Variants in TRAF3IP3 observed in about 807,000 individuals in gnomAD.
TRAF3IP3 encodes the protein TRAF3 interacting protein 3.
In TRAF3IP3, 64 loss-of-function variants were observed where a neutral mutation model predicts 86.5. That is an observed-to-expected ratio of 0.74 (90% CI 0.60 to 0.91). The LOEUF (loss-of-function observed/expected upper bound fraction) is 0.91. Ranked by LOEUF, TRAF3IP3 falls within the 40% of genes least tolerant of loss-of-function variation. TRAF3IP3 has a pLI of 0.00. For missense variants in TRAF3IP3, 579 were observed against 642.9 expected (o/e 0.90, Z 1.07); for synonymous variants, 220 against 243.9 (o/e 0.90, Z 0.91).
intron 8 of TRAF3IP3, among the ~76,000 whole-genome samples, chr1:209,764,463 C>T (rs981047340): frequency 1.8e-4 from 27 of 152,036 alleles, no homozygotes; most frequent in African/African-American, 5.8e-4. Flanking sequence ...AAGGCAAGGC[C>T]GGGGGTGGTG....
At chr1:209,767,667 C>A (rs1293994563) in intron 8 of TRAF3IP3, among the ~76,000 whole-genome samples, 2 of 151,060 alleles carry the variant, frequency 1.3e-5, no homozygotes, top group Non-Finnish European at 3.0e-5. Context: ...AGAGCAAGAC[C>A]CTGTCTTGAA....
intron 13 of TRAF3IP3, 160 bp from the exon 14 acceptor site, chr1:209,779,155 C>T (rs1401272413): frequency 6.5e-6 from 4 of 615,204 alleles, no homozygotes; most frequent in Non-Finnish European, 1.1e-5. Flanking sequence ...ATTTAAGGTA[C>T]TGAGGGTTAG....
intron 8 of TRAF3IP3, among the ~76,000 whole-genome samples, chr1:209,771,819 A>G (rs2077541809): frequency 7.8e-6 from 1 of 128,830 alleles, no homozygotes; most frequent in Non-Finnish European, 1.6e-5. Flanking sequence ...GTGCATGTGA[A>G]GGTGTGTGTG....
intron 8 of TRAF3IP3, among the ~76,000 whole-genome samples, chr1:209,766,696 T>A (rs755298932): frequency 2.6e-5 from 4 of 152,164 alleles, no homozygotes; most frequent in Non-Finnish European, 5.9e-5. Flanking sequence ...AAAACCCGTC[T>A]CTACTAAAGA....
At chr1:209,762,942 TC>T in intron 5 of TRAF3IP3, 72 bp downstream of exon 5, 2 of 1,607,278 alleles carry the variant, frequency 1.2e-6, no homozygotes, top group Admixed American at 3.3e-5. Flanking sequence ...AATTTCCATG[TC>T]CGCCTTAATT....
At chr1:209,761,275 G>C (rs2077239975) in intron 3 of TRAF3IP3, among the ~76,000 whole-genome samples, 1 of 152,190 alleles carries the variant, frequency 6.6e-6, no homozygotes, top group African/African-American at 2.4e-5. Flanking sequence ...TGCTGTCTAT[G>C]GGCCTTGTGA....
intron 8 of TRAF3IP3, chr1:209,768,206 T>C (rs2077393566): frequency 1.0e-6 from 1 of 985,432 alleles, no homozygotes; most frequent in South Asian, 4.7e-5. Flanking sequence ...CATTTGACCT[T>C]CATAAATTTG....
chr1:209,763,793 T>C (rs1238581645), intron 8 of TRAF3IP3, among the ~76,000 whole-genome samples: 1 of 152,196 alleles, frequency 6.6e-6, no homozygotes, highest in African/African-American at 2.4e-5. Flanking sequence ...CTGAGGGTCA[T>C]GGTGCTACAT....
intron 8 of TRAF3IP3, among the ~76,000 whole-genome samples, chr1:209,765,195 GA>G (rs1376336148): frequency 7.4e-6 from 1 of 135,684 alleles, no homozygotes; most frequent in Admixed American, 7.9e-5. Context: ...GAGAGAGAGA[GA>G]GAGAGAGAGA....
chr1:209,756,379 C>T (rs917286739), intron 1 of TRAF3IP3, 70 bp downstream of exon 1: 1 of 152,220 alleles, frequency 6.6e-6, no homozygotes, highest in Non-Finnish European at 1.5e-5. Flanking sequence ...GCAGAAGATG[C>T]TCTACCATCC....
intron 5 of TRAF3IP3, 50 bp downstream of exon 5, chr1:209,762,920 G>C (rs778159547): frequency 1.2e-6 from 2 of 1,611,344 alleles, no homozygotes; most frequent in East Asian, 2.2e-5. Context: ...CCTCTCTAGA[G>C]AGAACACAAT....
Position 209,756,218 on chromosome 1 carries a change from T to C in TRAF3IP3, c.-251T>C, listed in dbSNP as rs1351849481. The C allele has an allele frequency of 6.6e-6, 1 of 152,322 alleles. No homozygotes were observed. The highest frequency in any genetic ancestry group is 1.5e-5 in the Non-Finnish European group (1 of 68,088). 9.4% of individuals were successfully genotyped at this position (152,322 alleles called of 1,614,324 possible). ...ATTGAAAGCGTGTGCTTTACCCATC[T>C]GCTGTCTTGCTCCATCTGAGACCAG... On this transcript the variant is annotated 5_prime_UTR_variant, in exon 1 of 17. Coordinates refer to ENST00000367025, the MANE Select transcript of TRAF3IP3 (RefSeq NM_025228.4).
rs764720339 is a variant in TRAF3IP3 at position 209,781,356 on chromosome 1, G to A, written c.1461G>A (p.Leu487=). 4 of 1,611,698 alleles carry A rather than the reference G, an allele frequency of 2.5e-6. No homozygotes were observed. In the South Asian group the frequency reaches 4.4e-5, roughly 18 times the overall value. Reference sequence around the variant, plus strand: ...GATGTTCTCCCCAGTGCAGAGAACTGCATTCAGAATTAGACAACCTCAGTG... The same window carrying A: ...GATGTTCTCCCCAGTGCAGAGAACTACATTCAGAATTAGACAACCTCAGTG... ...LQAKEKECRE[L]HSELDNLSDE... is the part of the protein sequence containing the mutation. Residue 487 remains leucine, a synonymous_variant, in exon 16 of 17, where the codon CTG becomes CTA. Coordinates refer to ENST00000367025, the MANE Select transcript of TRAF3IP3 (RefSeq NM_025228.4).
At chr1:209,776,944 A>C (rs2077666820) in intron 11 of TRAF3IP3, 1 of 154,350 alleles carries the variant, frequency 6.5e-6, no homozygotes, top group African/African-American at 2.4e-5. Context: ...GCCTCAGTCC[A>C]CTTCAAAACT....
chr1:209,759,037 C>G lies in TRAF3IP3; in HGVS notation c.-156C>G, dbSNP rs1193212358. ...TTTGTTTCTTTTCTGTTTGCAGCAG[C>G]CTTATTGAGGTACAATTCATGTGCT... On this transcript the variant is annotated 5_prime_UTR_variant, in exon 2 of 17. Coordinates refer to ENST00000367025, the MANE Select transcript of TRAF3IP3 (RefSeq NM_025228.4). 1 of 152,316 alleles carries G rather than the reference C, an allele frequency of 6.6e-6. No individual in the cohort carries two copies. The highest frequency in any genetic ancestry group is 1.9e-4 in the East Asian group (1 of 5,194). The allele number at this position is 152,316 out of a possible 1,614,324, so 9.4% of individuals were successfully genotyped here. A position where few individuals can be genotyped will look rare whatever the true frequency, so the allele number is the denominator to read the frequency against.
chr1:209,777,881 G>C, intron 12 of TRAF3IP3: 1 of 587,288 alleles, frequency 1.7e-6, no homozygotes, highest in Non-Finnish European at 3.0e-6. Flanking sequence ...GGACTAGATA[G>C]TGTGTAAACA....
chr1:209,779,125 T>G (rs2077721847), intron 13 of TRAF3IP3, 190 bp from the exon 14 acceptor site: 2 of 599,564 alleles, frequency 3.3e-6, no homozygotes, highest in Non-Finnish European at 5.9e-6. Flanking sequence ...TTAAAGAATC[T>G]ATCTCCAAAT....
rs1558034104 is a variant in TRAF3IP3 at position 209,781,398 on chromosome 1, C to A, written c.1503C>A (p.Cys501Ter). The A allele has an allele frequency of 1.2e-6, 2 of 1,613,742 alleles. No individual in the cohort carries two copies. Among genetic ancestry groups the A allele is most frequent in the Admixed American group, 1.7e-5 (1 of 60,016 alleles). ...LDNLSDEYLSCLRKLQHCREE... is the reference protein window; with the variant it reads ...LDNLSDEYLS ...ACCTCAGTGACGAGTATCTCTCCTG[C>A]CTGCGTAAGCTGCAGCACTGTCGAG... The change falls in exon 16 of 17, where the codon TGC (cysteine) becomes TGA (stop). Residue 501 changes from cysteine to a stop codon, truncating the protein, a stop_gained. Transcript: ENST00000367025. LOFTEE classifies it high-confidence loss of function.
chr1:209,779,442 T>G (rs762616466), intron 14 of TRAF3IP3, 68 bp downstream of exon 14: 1 of 1,381,674 alleles, frequency 7.2e-7, no homozygotes, highest in East Asian at 2.3e-5. Context: ...GGCAGCGGGA[T>G]GGACTACATG....
Sources: gnomAD v4.1 joint callset for allele counts (sites outside exome capture counted in the v4.1 genomes callset) on GRCh38, gnomAD v4.1.1 for gene constraint, MANE v1.5 for transcripts, NCBI Gene and HGNC (gene_info 2026-07-23, HGNC 2026-07-21) for gene names.